PDE1A: variants seen among roughly 807,000 people sequenced by gnomAD.
PDE1A encodes the protein dual specificity calcium/calmodulin-dependent 3',5'-cyclic nucleotide phosphodiesterase 1A.
Under a neutral mutation model 61.7 loss-of-function variants are expected in PDE1A, and 35 were observed. The observed-to-expected ratio is 0.57, with a 90% confidence interval of 0.43 to 0.75. The LOEUF is 0.75. Among genes scored for constraint, PDE1A ranks in the 30% least tolerant of loss-of-function variants. The pLI, the probability that PDE1A is intolerant of heterozygous loss-of-function variation, is 0.00. For missense variants in PDE1A, 597 were observed against 630.6 expected (o/e 0.95, Z 0.57); for synonymous variants, 232 against 213.2 (o/e 1.09, Z -0.77).
Position 182,388,603 on chromosome 2 carries a change from T to A in PDE1A, c.53+37975A>T, listed in dbSNP as rs551692289. Among the ~76,000 whole-genome samples, 6 of 152,166 alleles carry A rather than the reference T, an allele frequency of 3.9e-5. No individual in the cohort carries two copies. The East Asian group carries it at 7.7e-4, about 20-fold the overall frequency. ...CAATGAAGAAATTTAAAGAAAAATT[T>A]AAAAATATTTTAAGACAAATGAAAA... On this transcript the variant is annotated intron_variant, in intron 1 of 13. Coordinates refer to ENST00000351439, the Ensembl canonical transcript of PDE1A.
At chr2:182,554,083 C>T in the PDE1A span, among the ~76,000 whole-genome samples, 1 of 152,042 alleles carries the variant, frequency 6.6e-6, no homozygotes, top group Non-Finnish European at 1.5e-5. Context: ...GCACAAAACT[C>T]CAGGCAGGTA....
intron 2 of PDE1A, among the ~76,000 whole-genome samples, chr2:182,263,709 G>T (rs547070038): frequency 1.1e-3 from 175 of 152,228 alleles, no homozygotes; most frequent in African/African-American, 4.1e-3. Context: ...TATCCTCCAG[G>T]GGGTGAACAG....
At chr2:182,300,546 A>G (rs1266378297) in intron 1 of PDE1A, among the ~76,000 whole-genome samples, 1 of 152,172 alleles carries the variant, frequency 6.6e-6, no homozygotes, top group Non-Finnish European at 1.5e-5. Context: ...CATATATTTA[A>G]GAGAAGGATA....
the PDE1A span, among the ~76,000 whole-genome samples, chr2:182,582,075 G>T: frequency 1.2e-4 from 19 of 152,258 alleles, no homozygotes; most frequent in African/African-American, 4.6e-4. Context: ...TAAAAATAAA[G>T]TAAATTACCT....
At chr2:182,688,507 C>A in the PDE1A span, among the ~76,000 whole-genome samples, 1 of 152,160 alleles carries the variant, frequency 6.6e-6, no homozygotes, top group African/African-American at 2.4e-5. Flanking sequence ...TAGGCCTACC[C>A]TACAAGAGCT....
At chr2:182,578,718 C>T in the PDE1A span, among the ~76,000 whole-genome samples, 1 of 152,156 alleles carries the variant, frequency 6.6e-6, no homozygotes, top group Non-Finnish European at 1.5e-5. Context: ...CCACTCCATG[C>T]AAACAGTAAG....
intron 2 of PDE1A, among the ~76,000 whole-genome samples, chr2:182,438,652 G>T (rs1297748240): frequency 6.6e-6 from 1 of 151,840 alleles, no homozygotes; most frequent in East Asian, 1.9e-4. Flanking sequence ...AAGTAATGCA[G>T]AATCATGAAA....
the PDE1A span, among the ~76,000 whole-genome samples, chr2:182,537,244 G>C: frequency 6.6e-6 from 1 of 152,152 alleles, no homozygotes; most frequent in South Asian, 2.1e-4. Flanking sequence ...TTGAATGTAG[G>C]CTTCTCTAAG....
intron 1 of PDE1A, among the ~76,000 whole-genome samples, chr2:182,380,284 G>GT (rs1700655373): frequency 6.6e-6 from 1 of 151,682 alleles, no homozygotes; most frequent in East Asian, 1.9e-4. Context: ...CTACTTTTTT[G>GT]TATTTTTTTA....
At chr2:182,677,712 G>A in the PDE1A span, among the ~76,000 whole-genome samples, 3 of 152,052 alleles carry the variant, frequency 2.0e-5, no homozygotes, top group East Asian at 1.9e-4. Flanking sequence ...CCATAAATAC[G>A]GCCACACACC....
chr2:182,398,366 C>A (rs1489986246), intron 1 of PDE1A, among the ~76,000 whole-genome samples: 1 of 151,748 alleles, frequency 6.6e-6, no homozygotes, highest in Admixed American at 6.6e-5. Flanking sequence ...ACCCACAGTT[C>A]AACATTGTCA....
rs564280039 is a variant in PDE1A, at chr2:182,337,223, T to C, written c.54-72809A>G. Among the ~76,000 whole-genome samples, 206 of 152,020 alleles carry C rather than the reference T, an allele frequency of 1.4e-3. 1 individual carries two copies. Among genetic ancestry groups the C allele is most frequent in the African/African-American group, 4.8e-3 (199 of 41,488 alleles). On this transcript the variant is annotated intron_variant, in intron 1 of 13. Transcript: ENST00000351439. ...GGGAAAGGATTTGAACAGAAAAAGA[T>C]GGAAAGATTGTGACTTTCAAAGGAA...
intron 1 of PDE1A, among the ~76,000 whole-genome samples, chr2:182,274,747 A>G (rs964688373): frequency 6.6e-6 from 1 of 152,052 alleles, no homozygotes; most frequent in African/African-American, 2.4e-5. Context: ...TCAAGAAAAA[A>G]CTAAAGTTGA....
At chr2:182,455,472 G>A (rs1054936415) in intron 2 of PDE1A, among the ~76,000 whole-genome samples, 2 of 152,062 alleles carry the variant, frequency 1.3e-5, no homozygotes, top group African/African-American at 4.8e-5. Context: ...GTTTATTGCG[G>A]CACTATTCAC....
chr2:182,453,489 C>T (rs1419309902), intron 2 of PDE1A, among the ~76,000 whole-genome samples: 2 of 151,866 alleles, frequency 1.3e-5, no homozygotes, highest in East Asian at 3.9e-4. Context: ...TTGCAATATC[C>T]TTGATGAACA....
chr2:182,334,881 T>C (rs1559348660), intron 1 of PDE1A, among the ~76,000 whole-genome samples: 1 of 152,134 alleles, frequency 6.6e-6, no homozygotes, highest in African/African-American at 2.4e-5. Context: ...AAAACCCCAT[T>C]GTCTCAGCCC....
chr2:182,595,464 A>G, the PDE1A span, among the ~76,000 whole-genome samples: 54,214 of 152,024 alleles, frequency 0.36, 9,905 homozygotes, highest in African/African-American at 0.45. Flanking sequence ...AATTAACATT[A>G]CACGTCACAT....
At chr2:182,398,436 AT>A (rs1455112131) in intron 1 of PDE1A, among the ~76,000 whole-genome samples, 1 of 152,058 alleles carries the variant, frequency 6.6e-6, no homozygotes, top group East Asian at 1.9e-4. Context: ...TTGTACTTTG[AT>A]GACTCATTAA....
chr2:182,471,948 A>G (rs746759667), intron 2 of PDE1A, among the ~76,000 whole-genome samples: 3 of 151,928 alleles, frequency 2.0e-5, no homozygotes, highest in African/African-American at 7.2e-5. Flanking sequence ...TCCAACAAGC[A>G]TATGAAAAAA....
Sources: gnomAD v4.1 joint callset for allele counts (sites outside exome capture counted in the v4.1 genomes callset) on GRCh38, gnomAD v4.1.1 for gene constraint, MANE v1.5 for transcripts, NCBI Gene and HGNC (gene_info 2026-07-23, HGNC 2026-07-21) for gene names.